Variants in RGL1 observed in about 807,000 individuals in gnomAD.
The protein encoded by RGL1 is ral guanine nucleotide dissociation stimulator like 1, also known as ral guanine nucleotide dissociation stimulator-like 1.
Under a neutral mutation model 95.2 loss-of-function variants are expected in RGL1, and 24 were observed. That is an observed-to-expected ratio of 0.25 (90% confidence interval 0.18 to 0.35). RGL1 has a LOEUF of 0.35. RGL1 is among the 10% of genes least tolerant of loss of function. The pLI, the probability that RGL1 is intolerant of heterozygous loss-of-function variation, is 1.00. For missense variants in RGL1, 715 were observed against 936.3 expected (o/e 0.76, Z 3.08); for synonymous variants, 329 against 344.9 (o/e 0.95, Z 0.51).
chr1:183,703,941 T>A (rs561866006), intron 1 of RGL1, among the ~76,000 whole-genome samples: 31 of 152,248 alleles, frequency 2.0e-4, no homozygotes, highest in African/African-American at 7.5e-4. Context: ...CATGGAAAAG[T>A]TGTGGAGACT....
At chr1:183,647,497 G>T in intron 1 of RGL1, 1 of 987,004 alleles carries the variant, frequency 1.0e-6, no homozygotes, top group Non-Finnish European at 1.4e-6. Context: ...GAAACATTTT[G>T]GATTATGTTT....
chr1:183,684,800 C>A (rs1437294418), intron 1 of RGL1, among the ~76,000 whole-genome samples: 1 of 152,176 alleles, frequency 6.6e-6, no homozygotes, highest in Non-Finnish European at 1.5e-5. Flanking sequence ...TGCACTGTCC[C>A]TCATGGCACA....
chr1:183,706,134 T>A (rs1354192817), intron 1 of RGL1, among the ~76,000 whole-genome samples: 3 of 152,062 alleles, frequency 2.0e-5, no homozygotes, highest in African/African-American at 7.3e-5. Flanking sequence ...CTATGGGGAA[T>A]GTGGAAGTGG....
At position 183,916,606 on chromosome 1, in the gene RGL1, G is replaced by A; in HGVS notation, c.1909G>A (p.Val637Met). 2 of 1,613,460 alleles carry A rather than the reference G, an allele frequency of 1.2e-6. No homozygotes were observed. Among genetic ancestry groups the A allele is most frequent in the Non-Finnish European group, 8.5e-7 (1 of 1,179,888 alleles). Residue 637 changes from valine (V) to methionine (M), a missense_variant, in exon 16 of 18, where the codon GTG becomes ATG. Transcript: ENST00000360851. The part of the protein sequence containing the change: ...SVSVTSITST[V>M]LPPVYNQQNE... ...CTCGGTGACGTCCATTACCTCGACT[G>A]TGCTGCCTCCTGTTTACAACCAACA...
chr1:183,924,878 A>G (rs1363984718), intron 17 of RGL1, among the ~76,000 whole-genome samples: 1 of 151,918 alleles, frequency 6.6e-6, no homozygotes, highest in Admixed American at 6.6e-5. Context: ...AGACAGGAGA[A>G]TCACTTGACC....
At chr1:183,722,194 A>G (rs1214434321) in intron 1 of RGL1, among the ~76,000 whole-genome samples, 1 of 151,918 alleles carries the variant, frequency 6.6e-6, no homozygotes, top group Non-Finnish European at 1.5e-5. Context: ...AGAGGATTCC[A>G]AGAAGAAGGA....
intron 2 of RGL1, 136 bp downstream of exon 2, chr1:183,806,621 G>A (rs1266702297): frequency 1.4e-5 from 9 of 622,504 alleles, no homozygotes; most frequent in Non-Finnish European, 2.0e-5. Flanking sequence ...TAATGACCAA[G>A]TGTTTGCACT....
rs1173873168 is a variant in RGL1, at chr1:183,888,511, C to T, written c.989C>T (p.Ala330Val). ...RLLKNFSSLR[A>V]IVSALQSNSI... ...CTGAAGAATTTTTCCTCCTTGAGGGCCATCGTTTCGGCACTGCAGTCTAAT... is the reference window on the plus strand; with the variant it reads ...CTGAAGAATTTTTCCTCCTTGAGGGTCATCGTTTCGGCACTGCAGTCTAAT... Residue 330 changes from alanine (A) to valine (V), a missense_variant, in exon 8 of 18, where the codon GCC becomes GTC. By Grantham distance (64) the Ala-to-Val change is moderately conservative. Coordinates refer to ENST00000360851, the MANE Select transcript of RGL1 (RefSeq NM_001297671.3). 1 of 1,613,092 alleles carries T rather than the reference C, an allele frequency of 6.2e-7. No individual in the cohort carries two copies.
chr1:183,767,708 T>G (rs1659053921), intron 2 of RGL1, among the ~76,000 whole-genome samples: 1 of 152,204 alleles, frequency 6.6e-6, no homozygotes, highest in Non-Finnish European at 1.5e-5. Context: ...ATCCCAGCAC[T>G]TTGTGAGGCC....
chr1:183,927,188 T>C lies in RGL1; in HGVS notation c.*896T>C, dbSNP rs1317546595. On this transcript the variant is annotated 3_prime_UTR_variant, in exon 18 of 18. Transcript: ENST00000360851. ...GAATGGTGACTCATTTGGACTCTTA[T>C]CTGTCTTGGAATGTCACTGCTTCAT... 6.6e-6 allele frequency: 1 copy of C among 152,634 alleles called. No individual in the cohort carries two copies. Among genetic ancestry groups the C allele is most frequent in the East Asian group, 1.9e-4 (1 of 5,204 alleles). 9.5% of individuals were successfully genotyped at this position (152,634 alleles called of 1,614,324 possible).
chr1:183,644,975 C>T (rs2101983232), intron 1 of RGL1, among the ~76,000 whole-genome samples: 1 of 152,212 alleles, frequency 6.6e-6, no homozygotes, highest in Middle Eastern at 3.4e-3. Flanking sequence ...TTGCCTAGAC[C>T]CTCCCAAACA....
Position 183,900,350 on chromosome 1 carries a change from C to A in RGL1, c.1317+114C>A, listed in dbSNP as rs557298817. On this transcript the variant is annotated intron_variant, in intron 11 of 17. Coordinates refer to ENST00000360851, the MANE Select transcript of RGL1 (RefSeq NM_001297671.3). The stretch of plus-strand genomic sequence containing the variant: ...AGGTCCAAAAGTACATGGCATTGTG[C>A]TAGCTGTTAGGAGGAATACAAAGAA... 5.3e-6 allele frequency: 4 copies of A among 757,622 alleles called. No homozygotes were observed. In the Admixed American group the frequency reaches 9.1e-5, roughly 17 times the overall value. The allele number at this position is 757,622 out of a possible 1,614,324, so 46.9% of individuals were successfully genotyped here. A position where few individuals can be genotyped will look rare whatever the true frequency, so the allele number is the denominator to read the frequency against.
chr1:183,805,996 T>TTTTTTTTTTTTTTTTTTTTTTTTTTTTC (rs1661301000), intron 1 of RGL1, among the ~76,000 whole-genome samples: 12 of 81,646 alleles, frequency 1.5e-4, no homozygotes, highest in Non-Finnish European at 2.6e-4. Context: ...TTTTTTTTTT[T>TTTTTTTTTTTTTTTTTTTTTTTTTTTTC]TTTTTTTTTT....
intron 2 of RGL1, among the ~76,000 whole-genome samples, chr1:183,749,201 T>A (rs918483045): frequency 6.6e-6 from 1 of 152,062 alleles, no homozygotes; most frequent in Admixed American, 6.5e-5. Context: ...CATTGATCTG[T>A]CTAATACTGA....
chr1:183,656,211 C>T (rs1651155350), intron 1 of RGL1, among the ~76,000 whole-genome samples: 1 of 151,368 alleles, frequency 6.6e-6, no homozygotes, highest in Non-Finnish European at 1.5e-5. Context: ...ATGTTCCCAC[C>T]TTAAAAACCA....
intron 1 of RGL1, among the ~76,000 whole-genome samples, chr1:183,708,270 AAGG>A (rs1278273836): frequency 6.6e-5 from 10 of 152,162 alleles, no homozygotes; most frequent in Admixed American, 4.6e-4. Flanking sequence ...GAACAGGGAA[AAGG>A]AGACCATCCT....
At chr1:183,648,593 TG>T in intron 1 of RGL1, 1 of 1,614,234 alleles carries the variant, frequency 6.2e-7, no homozygotes, top group South Asian at 1.1e-5. Context: ...TGAGGTGTTT[TG>T]TTTGAGGAAA....
rs572600257 is a variant in RGL1 at position 183,881,534 on chromosome 1, T to C, written c.610+734T>C. Among the ~76,000 whole-genome samples the C allele has an allele frequency of 2.0e-5, 3 of 152,298 alleles. No individual in the cohort carries two copies. In the South Asian group the frequency reaches 6.2e-4, roughly 32 times the overall value. ...AGGCTGGGACAGGCTTCCAGTGTGA[T>C]GTTGTATCCTCTCACTGGGGTGCTG... On this transcript the variant is annotated intron_variant, in intron 5 of 17. Transcript: ENST00000360851.
intron 1 of RGL1, among the ~76,000 whole-genome samples, chr1:183,683,943 C>G (rs991214594): frequency 2.0e-5 from 3 of 152,112 alleles, no homozygotes; most frequent in Non-Finnish European, 2.9e-5. Flanking sequence ...ATCCTTTCTT[C>G]CGCTTGTTCA....
Sources: gnomAD v4.1 joint callset for allele counts (sites outside exome capture counted in the v4.1 genomes callset) on GRCh38, gnomAD v4.1.1 for gene constraint, MANE v1.5 for transcripts, NCBI Gene and HGNC (gene_info 2026-07-23, HGNC 2026-07-21) for gene names.